The following UPF3A variants were observed in gnomAD, a reference collection of about 807,000 sequenced individuals.
UPF3A encodes the protein regulator of nonsense transcripts 3A.
In UPF3A, 42 loss-of-function variants were observed where a neutral mutation model predicts 53.5. That is an observed-to-expected ratio of 0.78 (90% CI 0.61 to 1.01). The LOEUF (loss-of-function observed/expected upper bound fraction) is 1.01. UPF3A is among the 50% of genes least tolerant of loss of function. The probability of loss-of-function intolerance (pLI) is 0.00; values close to 1 mark genes in which losing one functional copy is unlikely to be tolerated. For synonymous variants in UPF3A, 237 were observed against 225.3 expected, an observed-to-expected ratio of 1.05 and a Z score of -0.47; for missense variants, 575 against 598.0, an observed-to-expected ratio of 0.96 and a Z score of 0.40.
chr13:114,282,510 T>A (rs1438507706), intron 2 of UPF3A: 1 of 985,244 alleles, frequency 1.0e-6, no homozygotes, highest in African/African-American at 1.7e-5. Context: ...CCAGTGCGGT[T>A]TTAAATACCG....
chr13:114,296,319 G>A (rs2086012131), intron 7 of UPF3A, among the ~76,000 whole-genome samples: 1 of 152,084 alleles, frequency 6.6e-6, no homozygotes, highest in Non-Finnish European at 1.5e-5. Context: ...GGAGGCGAAG[G>A]TACAGTGAGC....
chr13:114,283,678 A>C (rs1393968701), intron 3 of UPF3A: 7 of 818,012 alleles, frequency 8.6e-6, no homozygotes, highest in Non-Finnish European at 7.4e-6. Flanking sequence ...CACTGCTGTT[A>C]AACAGCTTTG....
At chr13:114,284,613 C>T (rs2084479685) in intron 3 of UPF3A, among the ~76,000 whole-genome samples, 1 of 148,460 alleles carries the variant, frequency 6.7e-6, no homozygotes. Context: ...GCATGAGACT[C>T]ACTTGAACCC....
chr13:114,303,441 A>G (rs761070647), intron 9 of UPF3A, among the ~76,000 whole-genome samples: 1 of 152,124 alleles, frequency 6.6e-6, no homozygotes, highest in Non-Finnish European at 1.5e-5. Context: ...ATGTACTTCT[A>G]AGGTCAGGCT....
intron 3 of UPF3A, 64 bp from the exon 4 acceptor site, chr13:114,286,238 T>C (rs1452531353): frequency 1.3e-6 from 2 of 1,597,700 alleles, no homozygotes; most frequent in Non-Finnish European, 1.7e-6. Flanking sequence ...GTTAGGTCAT[T>C]ATTTTCCGAA....
At chr13:114,282,450 G>C (rs1052731041) in intron 2 of UPF3A, 7 of 985,434 alleles carry the variant, frequency 7.1e-6, no homozygotes, top group Non-Finnish European at 8.4e-6. Flanking sequence ...GGGGCGCTGC[G>C]GGGCCGGGGG....
intron 7 of UPF3A, among the ~76,000 whole-genome samples, chr13:114,296,119 TCACGCCTGTAATCC>T (rs2085969448): frequency 6.6e-6 from 1 of 152,222 alleles, no homozygotes; most frequent in Admixed American, 6.5e-5. Context: ...GCACAGTGGC[TCACGCCTGTAATCC>T]CAGCTCTTTG....
At chr13:114,295,632 C>G (rs371090709) in intron 7 of UPF3A, among the ~76,000 whole-genome samples, 1 of 152,232 alleles carries the variant, frequency 6.6e-6, no homozygotes, top group South Asian at 2.1e-4. Context: ...CATGTCTGTT[C>G]GTAGCTTTTG....
intron 7 of UPF3A, among the ~76,000 whole-genome samples, chr13:114,296,701 G>T (rs1010619711): frequency 6.6e-6 from 1 of 152,170 alleles, no homozygotes; most frequent in Non-Finnish European, 1.5e-5. Context: ...TGAAAGGGGG[G>T]CAGTCTTGTG....
At chr13:114,281,957 C>G (rs536220098) in intron 1 of UPF3A, 64 bp from the exon 2 acceptor site, 3 of 1,443,422 alleles carry the variant, frequency 2.1e-6, no homozygotes, top group Middle Eastern at 2.4e-4. Flanking sequence ...GCGCGGTACG[C>G]GGTGCCTTTT....
chr13:114,286,801 G>A (rs906170409), intron 5 of UPF3A, 172 bp downstream of exon 5: 2 of 616,066 alleles, frequency 3.2e-6, no homozygotes, highest in Non-Finnish European at 5.7e-6. Context: ...GGCAGCATGG[G>A]AAAATATTTC....
chr13:114,286,472 A>T (rs751098859), intron 4 of UPF3A, 47 bp from the exon 5 acceptor site: 5 of 1,611,088 alleles, frequency 3.1e-6, no homozygotes, highest in Non-Finnish European at 3.4e-6. Flanking sequence ...ATTCTCCCGT[A>T]GTTGGGAAAG....
chr13:114,284,534 T>TAAA (rs535271853), intron 3 of UPF3A, among the ~76,000 whole-genome samples: 1 of 126,536 alleles, frequency 7.9e-6, no homozygotes, highest in African/African-American at 2.9e-5. Context: ...CTGTCTCTAC[T>TAAA]AAAAAAAAAA....
chr13:114,303,477 A>G (rs1390798491), intron 9 of UPF3A, among the ~76,000 whole-genome samples: 1 of 152,108 alleles, frequency 6.6e-6, no homozygotes, highest in African/African-American at 2.4e-5. Flanking sequence ...GTATACAGGT[A>G]TTGCCCTGGT....
Position 114,283,406 on chromosome 13 carries a change from A to G in UPF3A, c.421+463A>G, listed in dbSNP as rs187785173. On this transcript the variant is annotated intron_variant, in intron 3 of 9. Transcript: ENST00000375299. ...TTACTGTAATTATGTGCAGATATTA[A>G]AAATTGAAATTATTTAATTTTATTA... The G allele has an allele frequency of 3.3e-5, 5 of 152,476 alleles. No homozygotes were observed. The East Asian group carries it at 9.6e-4, about 29-fold the overall frequency. The allele number at this position is 152,476 out of a possible 1,614,324, so 9.4% of individuals were successfully genotyped here. A position where few individuals can be genotyped will look rare whatever the true frequency, so the allele number is the denominator to read the frequency against.
rs548576520 is a variant in UPF3A at position 114,284,624 on chromosome 13, G to A, written c.422-1678G>A. Among the ~76,000 whole-genome samples the A allele has an allele frequency of 1.3e-3, 202 of 152,014 alleles. 7 individuals carry two copies. The South Asian group carries it at 0.035, about 26-fold the overall frequency. ...TGAGGCATGAGACTCACTTGAACCC[G>A]GGAGGCAGAGGTTGCAGTGAGCCAA... On this transcript the variant is annotated intron_variant, in intron 3 of 9. Transcript: ENST00000375299.
At chr13:114,296,612 A>C (rs909848380) in intron 7 of UPF3A, among the ~76,000 whole-genome samples, 2 of 152,120 alleles carry the variant, frequency 1.3e-5, no homozygotes, top group African/African-American at 4.8e-5. Flanking sequence ...AAATCTGAGG[A>C]GAGGCCATCG....
At chr13:114,293,341 G>A (rs562497659) in intron 7 of UPF3A, among the ~76,000 whole-genome samples, 127 of 151,816 alleles carry the variant, frequency 8.4e-4, no homozygotes, top group Middle Eastern at 3.4e-3. Context: ...CCGGGATCGC[G>A]CCACTGCACT....
rs1421985999 is a variant in UPF3A, at chr13:114,286,420, T to C, written c.520+20T>C. 1 of 1,613,670 alleles carries C rather than the reference T, an allele frequency of 6.2e-7. No homozygotes were observed. Among genetic ancestry groups the C allele is most frequent in the Non-Finnish European group, 8.5e-7 (1 of 1,180,032 alleles). On this transcript the variant is annotated intron_variant, in intron 4 of 9. Transcript: ENST00000375299. ...AAGATGGTGAGCCCTTTCCAAGTGC[T>C]ACGTTATGAAGCTGCCAAATTAAGA...
Sources: gnomAD v4.1 joint callset for allele counts (sites outside exome capture counted in the v4.1 genomes callset) on GRCh38, gnomAD v4.1.1 for gene constraint, MANE v1.5 for transcripts, NCBI Gene and HGNC (gene_info 2026-07-23, HGNC 2026-07-21) for gene names.